Variants in STK32B observed in about 807,000 individuals in gnomAD.
STK32B encodes the protein serine/threonine kinase 32B.
A neutral mutation model predicts 52.6 loss-of-function variants in STK32B; 43 were observed. That is an observed-to-expected ratio of 0.82 (90% CI 0.64 to 1.05). The LOEUF is 1.05. STK32B is among the 50% of genes least tolerant of loss of function. STK32B has a pLI of 0.00. For missense variants in STK32B, 621 were observed against 534.6 expected, an observed-to-expected ratio of 1.16 and a Z score of -1.59; for synonymous variants, 238 against 204.3, an observed-to-expected ratio of 1.17 and a Z score of -1.41.
intron 9 of STK32B, among the ~76,000 whole-genome samples, chr4:5,465,697 G>T (rs1217513133): frequency 6.6e-6 from 1 of 152,132 alleles, no homozygotes; most frequent in East Asian, 1.9e-4. Flanking sequence ...GCAGAGAGAG[G>T]TTATGAATCT....
intron 3 of STK32B, among the ~76,000 whole-genome samples, chr4:5,275,425 CTT>C (rs1727748375): frequency 6.6e-6 from 1 of 152,108 alleles, no homozygotes; most frequent in Admixed American, 6.6e-5. Flanking sequence ...ATGCAAATAT[CTT>C]TTTATCGTGG....
upstream of STK32B, among the ~76,000 whole-genome samples, chr4:5,047,332 C>T (rs1440456186): frequency 6.8e-6 from 1 of 148,104 alleles, no homozygotes; most frequent in East Asian, 2.0e-4. Context: ...ACACCAGGGC[C>T]TGTTGGGGGG....
chr4:5,308,653 C>G (rs534529567), intron 3 of STK32B, among the ~76,000 whole-genome samples: 1 of 152,238 alleles, frequency 6.6e-6, no homozygotes, highest in East Asian at 1.9e-4. Flanking sequence ...GACATGATTC[C>G]TTTTACTTAA....
chr4:5,164,102 C>G (rs1480735087), intron 2 of STK32B, among the ~76,000 whole-genome samples: 2 of 152,164 alleles, frequency 1.3e-5, no homozygotes, highest in Non-Finnish European at 2.9e-5. Context: ...AGTGGTGGAC[C>G]CTTATAGATT....
rs1305607049 is a variant in STK32B, at chr4:5,439,051, C to T, written c.563-7622C>T. 1.1e-4 allele frequency among the ~76,000 whole-genome samples: 17 copies of T among 150,292 alleles called. No homozygotes were observed. The South Asian group carries it at 2.2e-3, about 20-fold the overall frequency. On this transcript the variant is annotated intron_variant, in intron 6 of 11. Transcript: ENST00000282908. Reference sequence around the variant, plus strand: ...AAGTCTTTGCTATTGTGAATAATGCCGCAATAAACATATGTGTGCATGTGT... The same window carrying T: ...AAGTCTTTGCTATTGTGAATAATGCTGCAATAAACATATGTGTGCATGTGT...
intron 7 of STK32B, among the ~76,000 whole-genome samples, chr4:5,449,800 C>T (rs536666292): frequency 8.5e-5 from 13 of 152,260 alleles, no homozygotes; most frequent in African/African-American, 2.6e-4. Context: ...ACCTAGGGTG[C>T]GTGCACCTTA....
intron 3 of STK32B, among the ~76,000 whole-genome samples, chr4:5,186,705 A>G (rs1720765197): frequency 6.6e-6 from 1 of 152,176 alleles, no homozygotes; most frequent in Non-Finnish European, 1.5e-5. Flanking sequence ...TGTCTTCATC[A>G]GTCTCCAGCG....
At chr4:5,357,638 T>C (rs1407931910) in intron 4 of STK32B, among the ~76,000 whole-genome samples, 1 of 135,536 alleles carries the variant, frequency 7.4e-6, no homozygotes, top group Non-Finnish European at 1.5e-5. Flanking sequence ...ACAGCCCTTT[T>C]GGAATGACAT....
At chr4:5,414,504 G>A (rs1356462337) in intron 5 of STK32B, among the ~76,000 whole-genome samples, 1 of 152,156 alleles carries the variant, frequency 6.6e-6, no homozygotes, top group Non-Finnish European at 1.5e-5. Flanking sequence ...GGAGGATAAA[G>A]GATTGTGGAT....
intron 3 of STK32B, among the ~76,000 whole-genome samples, chr4:5,318,103 G>A (rs770906160): frequency 3.3e-5 from 4 of 120,188 alleles, no homozygotes; most frequent in Non-Finnish European, 6.2e-5. Context: ...GCTTGTGCAC[G>A]TGTGTGTGTG....
chr4:5,220,846 G>A (rs568946851), intron 3 of STK32B, among the ~76,000 whole-genome samples: 1 of 152,290 alleles, frequency 6.6e-6, no homozygotes, highest in African/African-American at 2.4e-5. Flanking sequence ...GGGATGGAAA[G>A]TATGAGGAGA....
intron 1 of STK32B, among the ~76,000 whole-genome samples, chr4:5,126,170 A>G (rs773351120): frequency 5.3e-5 from 8 of 152,156 alleles, no homozygotes; most frequent in Non-Finnish European, 7.4e-5. Flanking sequence ...AGGCCTTACT[A>G]TTGGATAGAG....
intron 3 of STK32B, among the ~76,000 whole-genome samples, chr4:5,267,724 C>T (rs113787786): frequency 5.9e-5 from 9 of 152,200 alleles, no homozygotes; most frequent in African/African-American, 1.2e-4. Context: ...ACAAATTACC[C>T]GAGAGTGCGG....
intron 4 of STK32B, among the ~76,000 whole-genome samples, chr4:5,350,165 C>A (rs1014972989): frequency 4.6e-5 from 7 of 152,020 alleles, no homozygotes; most frequent in Admixed American, 1.3e-4. Context: ...CTCCATGGCA[C>A]ATTCTAGTCA....
At chr4:5,284,737 C>T (rs1728437560) in intron 3 of STK32B, among the ~76,000 whole-genome samples, 1 of 152,180 alleles carries the variant, frequency 6.6e-6, no homozygotes, top group African/African-American at 2.4e-5. Context: ...CTTAAAACAT[C>T]ATATGATACT....
chr4:5,032,034 CTT>C, the STK32B span, among the ~76,000 whole-genome samples: 1 of 152,156 alleles, frequency 6.6e-6, no homozygotes, highest in East Asian at 1.9e-4. Context: ...ACCAAGCAGA[CTT>C]TTTAAAACAA....
chr4:5,368,287 T>C (rs998922840), intron 4 of STK32B, among the ~76,000 whole-genome samples: 6 of 151,332 alleles, frequency 4.0e-5, no homozygotes, highest in Admixed American at 3.9e-4. Flanking sequence ...GAGTTAGGTC[T>C]ACTATTATTC....
the STK32B span, among the ~76,000 whole-genome samples, chr4:5,028,272 A>G: frequency 6.6e-6 from 1 of 152,150 alleles, no homozygotes; most frequent in Non-Finnish European, 1.5e-5. Flanking sequence ...GGACTACAGG[A>G]GTAGCTGGGA....
intron 3 of STK32B, among the ~76,000 whole-genome samples, chr4:5,199,268 A>G (rs1465212738): frequency 6.6e-6 from 1 of 152,236 alleles, no homozygotes; most frequent in African/African-American, 2.4e-5. Context: ...CTTGTGCATC[A>G]ACATTGTGCA....
Sources: allele counts gnomAD v4.1 joint callset (sites outside exome capture counted in the v4.1 genomes callset), GRCh38; gene constraint gnomAD v4.1.1; transcripts MANE v1.5; gene names NCBI Gene and HGNC (gene_info 2026-07-23, HGNC 2026-07-21).